EXOC6B: variants seen among roughly 807,000 people sequenced by gnomAD.
EXOC6B encodes the protein SEC15 homolog B.
Under a neutral mutation model 113.5 loss-of-function variants are expected in EXOC6B, and 54 were observed. The observed-to-expected ratio is 0.48, with a 90% CI of 0.38 to 0.60. The LOEUF (loss-of-function observed/expected upper bound fraction) is 0.60, where lower values mean the gene tolerates loss of function less well. Ranked by LOEUF, EXOC6B falls within the 20% of genes least tolerant of loss-of-function variation. The pLI, the probability that EXOC6B is intolerant of heterozygous loss-of-function variation, is 0.00. For missense variants in EXOC6B, 797 were observed against 977.5 expected (o/e 0.82, Z 2.46); for synonymous variants, 357 against 339.0 (o/e 1.05, Z -0.58).
At chr2:72,281,247 C>A (rs1222123941) in intron 20 of EXOC6B, among the ~76,000 whole-genome samples, 1 of 152,078 alleles carries the variant, frequency 6.6e-6, no homozygotes, top group Non-Finnish European at 1.5e-5. Context: ...TGGATGCCTG[C>A]CAGAAAATAG....
At chr2:72,385,267 T>C (rs2105086713) in intron 18 of EXOC6B, among the ~76,000 whole-genome samples, 1 of 152,204 alleles carries the variant, frequency 6.6e-6, no homozygotes, top group South Asian at 2.1e-4. Flanking sequence ...GGGAAAAGAT[T>C]CTTCAATAAA....
intron 8 of EXOC6B, among the ~76,000 whole-genome samples, chr2:72,529,712 C>T (rs1267973033): frequency 6.6e-6 from 1 of 152,228 alleles, no homozygotes; most frequent in Non-Finnish European, 1.5e-5. Flanking sequence ...ATCCTCCTCC[C>T]TCGGCCTCCC....
At chr2:72,244,131 A>C (rs10182075) in intron 20 of EXOC6B, among the ~76,000 whole-genome samples, 5,161 of 152,304 alleles carry the variant, frequency 0.034, 272 homozygotes, top group African/African-American at 0.12. Flanking sequence ...ATATTCACTA[A>C]GACTGACCAC....
intron 6 of EXOC6B, among the ~76,000 whole-genome samples, chr2:72,672,900 A>G (rs1247119404): frequency 6.6e-6 from 1 of 152,164 alleles, no homozygotes; most frequent in Non-Finnish European, 1.5e-5. Context: ...TACATTAAAC[A>G]ATCAATTGTA....
In EXOC6B at chr2:72,496,651, A is replaced by G; in HGVS notation, c.1338-92T>C. ...CAGAGGGAAGGTGGGTTAATCACAA[A>G]TATTTTTCTGATGAACTCCAATCTT... On this transcript the variant is annotated intron_variant, in intron 13 of 21. Transcript: ENST00000272427. 4 of 758,346 alleles carry G rather than the reference A, an allele frequency of 5.3e-6. No individual in the cohort carries two copies. In the South Asian group the frequency reaches 6.1e-5, roughly 12 times the overall value. 47.0% of individuals were successfully genotyped at this position (758,346 alleles called of 1,614,324 possible). A position where few individuals can be genotyped will look rare whatever the true frequency, so the allele number is the denominator to read the frequency against.
chr2:72,557,757 C>T (rs1264973367), intron 8 of EXOC6B, among the ~76,000 whole-genome samples: 1 of 152,008 alleles, frequency 6.6e-6, no homozygotes. Flanking sequence ...ACCCCCGTGA[C>T]ATGAGTTTAC....
intron 6 of EXOC6B, among the ~76,000 whole-genome samples, chr2:72,688,289 T>C (rs924675505): frequency 6.6e-6 from 1 of 152,174 alleles, no homozygotes; most frequent in African/African-American, 2.4e-5. Flanking sequence ...CCAAGAAATT[T>C]ACTTAGGAGA....
intron 19 of EXOC6B, among the ~76,000 whole-genome samples, chr2:72,367,266 C>T (rs573941365): frequency 1.3e-5 from 2 of 149,936 alleles, no homozygotes; most frequent in African/African-American, 4.9e-5. Context: ...AATCCAGGAA[C>T]AATAACTAAA....
chr2:72,727,755 T>C (rs1023167392), intron 5 of EXOC6B, among the ~76,000 whole-genome samples: 3 of 152,098 alleles, frequency 2.0e-5, no homozygotes, highest in African/African-American at 7.2e-5. Context: ...CTAAAATTTT[T>C]TGAAACCCAC....
intron 6 of EXOC6B, among the ~76,000 whole-genome samples, chr2:72,626,420 T>C (rs1672054216): frequency 6.6e-6 from 1 of 152,156 alleles, no homozygotes; most frequent in Non-Finnish European, 1.5e-5. Context: ...GGTTCTAATT[T>C]TTAGAGGTAT....
intron 18 of EXOC6B, among the ~76,000 whole-genome samples, chr2:72,427,451 T>C (rs1695266302): frequency 6.6e-6 from 1 of 152,168 alleles, no homozygotes; most frequent in African/African-American, 2.4e-5. Flanking sequence ...TCCCCACTCC[T>C]GGTGCCCACT....
intron 18 of EXOC6B, among the ~76,000 whole-genome samples, chr2:72,418,204 T>A (rs768158271): frequency 6.6e-6 from 1 of 152,212 alleles, no homozygotes; most frequent in Non-Finnish European, 1.5e-5. Context: ...TCAGTTAGTG[T>A]CTACAGTTAA....
chr2:72,730,128 T>C (rs141911090), intron 5 of EXOC6B, among the ~76,000 whole-genome samples: 97 of 152,284 alleles, frequency 6.4e-4, no homozygotes, highest in African/African-American at 2.2e-3. Context: ...TAGATTTTCC[T>C]TTAGAAGAAA....
intron 6 of EXOC6B, among the ~76,000 whole-genome samples, chr2:72,624,951 C>G (rs1412416727): frequency 6.6e-6 from 1 of 151,786 alleles, no homozygotes; most frequent in Admixed American, 6.6e-5. Context: ...GGACTGTCTG[C>G]CTATAGAGTC....
intron 6 of EXOC6B, among the ~76,000 whole-genome samples, chr2:72,625,360 T>C (rs972561338): frequency 6.6e-6 from 1 of 152,090 alleles, no homozygotes; most frequent in Non-Finnish European, 1.5e-5. Context: ...ACTGAAATAG[T>C]CTTTTCATAT....
At chr2:72,770,443 A>G (rs771024498) in intron 1 of EXOC6B, among the ~76,000 whole-genome samples, 5 of 152,240 alleles carry the variant, frequency 3.3e-5, no homozygotes, top group African/African-American at 4.8e-5. Flanking sequence ...CATCTGTCAC[A>G]TATTATGTAA....
intron 20 of EXOC6B, among the ~76,000 whole-genome samples, chr2:72,197,269 T>G (rs1168834775): frequency 2.0e-5 from 3 of 152,090 alleles, no homozygotes; most frequent in African/African-American, 7.2e-5. Flanking sequence ...GTTAAAAGAA[T>G]GGGCCAAAAG....
intron 1 of EXOC6B, among the ~76,000 whole-genome samples, chr2:72,751,326 T>C (rs368863474): frequency 1.3e-5 from 2 of 152,132 alleles, no homozygotes; most frequent in South Asian, 2.1e-4. Context: ...TTCCAGGTCA[T>C]ACGTAGATTT....
intron 18 of EXOC6B, among the ~76,000 whole-genome samples, chr2:72,420,615 A>C (rs1168123052): frequency 2.0e-5 from 3 of 151,968 alleles, no homozygotes; most frequent in African/African-American, 7.3e-5. Flanking sequence ...TATGTGCCAC[A>C]TTTTCTTAAT....
Sources: gnomAD v4.1 joint callset for allele counts (sites outside exome capture counted in the v4.1 genomes callset) on GRCh38, gnomAD v4.1.1 for gene constraint, MANE v1.5 for transcripts, NCBI Gene and HGNC (gene_info 2026-07-23, HGNC 2026-07-21) for gene names.